The following TPTE variants were observed in gnomAD, a reference collection of about 807,000 sequenced individuals.
The protein encoded by TPTE is transmembrane phosphatase with tensin homology.
TPTE carries 59 observed loss-of-function variants against 84.1 expected under a neutral mutation model. The observed-to-expected ratio is 0.70, with a 90% CI of 0.57 to 0.87. TPTE has a LOEUF of 0.87. Among genes scored for constraint, TPTE ranks in the 40% least tolerant of loss-of-function variants. The pLI is 0.00. For synonymous variants in TPTE, 130 were observed against 223.5 expected (o/e 0.58, Z 3.73); for missense variants, 382 against 659.6 (o/e 0.58, Z 4.61).
At chr21:10,528,474 G>C (rs1185840606) in intron 3 of TPTE, among the ~76,000 whole-genome samples, 1 of 152,304 alleles carries the variant, frequency 6.6e-6, no homozygotes, top group Non-Finnish European at 1.5e-5. Context: ...ATATCTTTTA[G>C]ATTCAAGGAA....
chr21:10,556,360 A>G (rs2074683662), intron 8 of TPTE, among the ~76,000 whole-genome samples: 1 of 152,312 alleles, frequency 6.6e-6, no homozygotes, highest in Non-Finnish European at 1.5e-5. Context: ...TGTCCCTACA[A>G]AGGACATGAA....
intron 10 of TPTE, among the ~76,000 whole-genome samples, chr21:10,562,191 C>A (rs1206775789): frequency 3.3e-5 from 5 of 152,424 alleles, no homozygotes; most frequent in African/African-American, 1.2e-4. Flanking sequence ...CTTGGGGTGC[C>A]CCCTAAAGCA....
rs1343740982 is a variant in TPTE at position 10,539,490 on chromosome 21, C to T, written c.11+756C>T. On this transcript the variant is annotated intron_variant, in intron 4 of 23. Transcript: ENST00000618007. ...TAGATGGGATTAGGAGGAGGAATGC[C>T]TACCCAGTGGAGTTGAATTTAAAAG... is the stretch of plus-strand genomic sequence containing the variant. Among the ~76,000 whole-genome samples, 22 of 152,420 alleles carry T rather than the reference C, an allele frequency of 1.4e-4. No individual in the cohort carries two copies. In the South Asian group the frequency reaches 2.1e-3, roughly 14 times the overall value.
intron 22 of TPTE, chr21:10,602,723 T>C (rs1314456738): frequency 1.9e-6 from 1 of 517,942 alleles, no homozygotes; most frequent in Admixed American, 1.9e-5. Flanking sequence ...ACCGAAGCAG[T>C]TTTTTATTAA....
chr21:10,596,584 T>G (rs1475439225), intron 20 of TPTE, among the ~76,000 whole-genome samples: 4 of 152,302 alleles, frequency 2.6e-5, no homozygotes, highest in Non-Finnish European at 4.4e-5. Context: ...TCTGTAACCC[T>G]CTCACTCCCA....
chr21:10,549,838 A>G (rs1213203791), intron 7 of TPTE, among the ~76,000 whole-genome samples: 3 of 152,276 alleles, frequency 2.0e-5, no homozygotes, highest in African/African-American at 7.2e-5. Flanking sequence ...AGGAAGATCA[A>G]AGAACCCCAA....
intron 9 of TPTE, among the ~76,000 whole-genome samples, chr21:10,559,772 G>T (rs1244794505): frequency 1.3e-5 from 2 of 152,388 alleles, no homozygotes; most frequent in East Asian, 1.9e-4. Context: ...TACTCAGGAG[G>T]CTGAGGCAGA....
chr21:10,576,838 C>CATATATATATATAT (rs56285862), intron 14 of TPTE, among the ~76,000 whole-genome samples: 53 of 135,896 alleles, frequency 3.9e-4, no homozygotes, highest in Non-Finnish European at 4.8e-4. Context: ...TACATATATA[C>CATATATATATATAT]ATATATATAT....
intron 7 of TPTE, among the ~76,000 whole-genome samples, chr21:10,552,338 C>T (rs1447988907): frequency 1.3e-5 from 2 of 152,302 alleles, no homozygotes; most frequent in Admixed American, 1.3e-4. Context: ...GATATGTCTA[C>T]ACACATATTA....
chr21:10,548,727 C>A (rs1473935076), intron 7 of TPTE, among the ~76,000 whole-genome samples: 1 of 152,312 alleles, frequency 6.6e-6, no homozygotes, highest in African/African-American at 2.4e-5. Flanking sequence ...CATGAGTTTC[C>A]CCCAGCAGAC....
intron 2 of TPTE, among the ~76,000 whole-genome samples, 198 bp from the exon 3 acceptor site, chr21:10,527,157 T>TCTCTCTCA (rs1555885306): frequency 2.7e-5 from 4 of 150,406 alleles, no homozygotes; most frequent in Non-Finnish European, 4.4e-5. Context: ...TCTCTCTCTC[T>TCTCTCTCA]CACACACACA....
chr21:10,602,298 G>C (rs11184129), intron 22 of TPTE, 148 bp downstream of exon 22: 5 of 984,612 alleles, frequency 5.1e-6, no homozygotes, highest in Admixed American at 4.6e-5. Context: ...TTAAAAGAGC[G>C]TATGTAATTT....
chr21:10,535,371 CAATG>C (rs1172554402), intron 3 of TPTE, among the ~76,000 whole-genome samples: 2 of 152,390 alleles, frequency 1.3e-5, no homozygotes, highest in East Asian at 3.9e-4. Flanking sequence ...AAACATAAAA[CAATG>C]AAAGAGAAAG....
At chr21:10,579,726 G>T (rs757439597) in intron 17 of TPTE, among the ~76,000 whole-genome samples, 312 of 151,456 alleles carry the variant, frequency 2.1e-3, no homozygotes, top group South Asian at 0.012. Flanking sequence ...CTCCTCTAAG[G>T]CTGAATAGTA....
intron 7 of TPTE, among the ~76,000 whole-genome samples, chr21:10,548,643 A>G (rs2074516529): frequency 6.6e-6 from 1 of 152,308 alleles, no homozygotes; most frequent in Admixed American, 6.5e-5. Context: ...AGGCCTGAGA[A>G]ACACCCCTCT....
In TPTE at chr21:10,592,201, A is replaced by G. The variant is rs2075491514; in HGVS notation, c.1090-92A>G. The G allele has an allele frequency of 3.8e-6, 6 of 1,581,266 alleles. No homozygotes were observed. In the South Asian group the frequency reaches 4.5e-5, roughly 12 times the overall value. ...AACAAACAAAATCACTGACTTTAGG[A>G]AAGAAGGTGGGCGTAGAAACACTAA... On this transcript the variant is annotated intron_variant, in intron 18 of 23. Transcript: ENST00000618007.
chr21:10,557,473 A>G (rs1347952426), intron 8 of TPTE, among the ~76,000 whole-genome samples: 2 of 152,310 alleles, frequency 1.3e-5, no homozygotes, highest in African/African-American at 2.4e-5. Flanking sequence ...GTATGGTGAC[A>G]TTGTCAAGTG....
chr21:10,530,808 A>C (rs1281841777), intron 3 of TPTE, among the ~76,000 whole-genome samples: 2 of 152,308 alleles, frequency 1.3e-5, no homozygotes, highest in Non-Finnish European at 2.9e-5. Context: ...ATACACATTC[A>C]CAACAACACT....
intron 1 of TPTE, among the ~76,000 whole-genome samples, chr21:10,523,189 G>A (rs1429306033): frequency 2.0e-5 from 3 of 152,308 alleles, no homozygotes; most frequent in Non-Finnish European, 4.4e-5. Flanking sequence ...TAACTAGAGA[G>A]ATAGTCTCTG....
Sources: gnomAD v4.1 joint callset for allele counts (sites outside exome capture counted in the v4.1 genomes callset) on GRCh38, gnomAD v4.1.1 for gene constraint, MANE v1.5 for transcripts, NCBI Gene and HGNC (gene_info 2026-07-23, HGNC 2026-07-21) for gene names.